RPTOR: variants seen among roughly 807,000 people sequenced by gnomAD.
The protein encoded by RPTOR is regulatory-associated protein of mTOR.
RPTOR carries 21 observed loss-of-function variants against 169.9 expected under a neutral mutation model. The observed-to-expected ratio is 0.12, with a 90% CI of 0.09 to 0.18. RPTOR has a LOEUF of 0.18. Among genes scored for constraint, RPTOR ranks in the 10% least tolerant of loss-of-function variants. RPTOR has a pLI of 1.00. For synonymous variants in RPTOR, 732 were observed against 753.2 expected (o/e 0.97, Z 0.46); for missense variants, 1,133 against 1,855.9 (o/e 0.61, Z 7.16).
At chr17:80,615,618 C>A (rs1448263052) in intron 1 of RPTOR, among the ~76,000 whole-genome samples, 1 of 152,100 alleles carries the variant, frequency 6.6e-6, no homozygotes, top group African/African-American at 2.4e-5. Flanking sequence ...ATCTCTGATA[C>A]CCACTTAGCA....
intron 13 of RPTOR, among the ~76,000 whole-genome samples, chr17:80,870,065 A>C (rs2068035857): frequency 6.6e-6 from 1 of 152,200 alleles, no homozygotes; most frequent in Non-Finnish European, 1.5e-5. Flanking sequence ...GGGAGAGTTA[A>C]TTAAGGACTC....
Position 80,845,456 on chromosome 17 carries a change from G to A in RPTOR, c.1213-1017G>A, listed in dbSNP as rs1415127559. On this transcript the variant is annotated intron_variant, in intron 10 of 33. Transcript: ENST00000306801. This position sits in a 1 kb window ranked among gnomAD's most constrained non-coding sequence, Gnocchi z 5.4. Reference sequence around the variant, plus strand: ...GGAAACAAGAAGCAGTCGCATGACCGCCTCTGCCGGGTCCTCCAGCCCTCC... The same window carrying A: ...GGAAACAAGAAGCAGTCGCATGACCACCTCTGCCGGGTCCTCCAGCCCTCC... Among the ~76,000 whole-genome samples the A allele has an allele frequency of 3.9e-5, 6 of 151,944 alleles. No homozygotes were observed. Among genetic ancestry groups the A allele is most frequent in the Non-Finnish European group, 8.8e-5 (6 of 67,978 alleles).
intron 4 of RPTOR, among the ~76,000 whole-genome samples, chr17:80,711,742 G>GTTTTTTTTTTTTTTTTTTTTTTT (rs1298623680): frequency 1.9e-5 from 1 of 51,402 alleles, no homozygotes; most frequent in African/African-American, 1.9e-4. Context: ...TTATACATCA[G>GTTTTTTTTTTTTTTTTTTTTTTT]TCTTTTTTTT....
chr17:80,665,201 C>T (rs1323881382), intron 3 of RPTOR, among the ~76,000 whole-genome samples: 1 of 152,032 alleles, frequency 6.6e-6, no homozygotes, highest in African/African-American at 2.4e-5. Flanking sequence ...GGTGGTTTGC[C>T]GGTTGTTACA....
chr17:80,731,975 A>G (rs2066396782), intron 5 of RPTOR, among the ~76,000 whole-genome samples: 1 of 152,214 alleles, frequency 6.6e-6, no homozygotes. Context: ...ATCCACATGC[A>G]ACAAGTTTGT....
chr17:80,741,759 T>A, intron 5 of RPTOR, among the ~76,000 whole-genome samples: 1 of 152,158 alleles, frequency 6.6e-6, no homozygotes, highest in Non-Finnish European at 1.5e-5. Flanking sequence ...AGACAATGGC[T>A]GAAGCCACGG....
At chr17:80,546,984 G>A (rs1219124803) in intron 1 of RPTOR, among the ~76,000 whole-genome samples, 2 of 152,194 alleles carry the variant, frequency 1.3e-5, no homozygotes, top group Admixed American at 6.5e-5. Flanking sequence ...CTGGAGAATC[G>A]CTTGAACCTG....
At chr17:80,601,161 C>G (rs1266563171) in intron 1 of RPTOR, among the ~76,000 whole-genome samples, 3 of 152,190 alleles carry the variant, frequency 2.0e-5, no homozygotes, top group Admixed American at 6.5e-5. Context: ...CAGCGACCAC[C>G]ACTGTCAGCC....
intron 1 of RPTOR, among the ~76,000 whole-genome samples, chr17:80,616,455 C>T (rs1320322168): frequency 1.3e-5 from 2 of 152,078 alleles, no homozygotes; most frequent in South Asian, 2.1e-4. Flanking sequence ...CACACCACCA[C>T]GCCTGGCTAA....
intron 3 of RPTOR, among the ~76,000 whole-genome samples, chr17:80,696,437 C>T (rs945464849): frequency 6.6e-6 from 1 of 152,152 alleles, no homozygotes; most frequent in African/African-American, 2.4e-5. Context: ...GATAGTGGAG[C>T]TCGGCTTTCG....
intron 1 of RPTOR, among the ~76,000 whole-genome samples, chr17:80,621,559 A>C (rs1366693302): frequency 6.6e-6 from 1 of 152,108 alleles, no homozygotes; most frequent in Non-Finnish European, 1.5e-5. Flanking sequence ...AGCTTGCCCT[A>C]GTCCTGGCTG....
At chr17:80,583,793 G>T (rs1192782771) in intron 1 of RPTOR, among the ~76,000 whole-genome samples, 2 of 152,240 alleles carry the variant, frequency 1.3e-5, no homozygotes, top group Non-Finnish European at 2.9e-5. Flanking sequence ...TGATATGCAG[G>T]TGCAGCTGCC....
At chr17:80,928,219 G>A (rs1192226645) in intron 24 of RPTOR, among the ~76,000 whole-genome samples, 1 of 152,042 alleles carries the variant, frequency 6.6e-6, no homozygotes, top group Non-Finnish European at 1.5e-5. Context: ...CTTCAGAAGA[G>A]GAAGCAGGAC....
In RPTOR at chr17:80,960,339, C is replaced by A. The variant is rs374447378; in HGVS notation, c.3605+134C>A. 2 of 1,242,558 alleles carry A rather than the reference C, an allele frequency of 1.6e-6. No homozygotes were observed. Among genetic ancestry groups the A allele is most frequent in the Non-Finnish European group, 1.1e-6 (1 of 892,040 alleles). The allele number at this position is 1,242,558 out of a possible 1,614,324, so 77.0% of individuals were successfully genotyped here. ...AAGCTTCCCCAGGAGCCTGCAGTGG[C>A]GTATTTAGGCCAGTCCTGGGCTCCC... On this transcript the variant is annotated intron_variant, in intron 30 of 33. Transcript: ENST00000306801. The surrounding 1 kb of genome is among the most constrained non-coding windows in gnomAD (Gnocchi z 4.8).
chr17:80,790,534 C>G (rs1700013183), intron 6 of RPTOR, among the ~76,000 whole-genome samples: 1 of 152,118 alleles, frequency 6.6e-6, no homozygotes, highest in South Asian at 2.1e-4. Context: ...TATGGGTACC[C>G]TCCTGGGTCC....
At position 80,964,812 on chromosome 17, in the gene RPTOR, C is replaced by G. The variant is rs2069404479; in HGVS notation, c.*482C>G. 1 of 241,192 alleles carries G rather than the reference C, an allele frequency of 4.1e-6. No individual in the cohort carries two copies. The highest frequency in any genetic ancestry group is 2.2e-5 in the African/African-American group (1 of 45,560). 14.9% of individuals were successfully genotyped at this position (241,192 alleles called of 1,614,324 possible). ...GCTGCCCCAGCCAGGCCCACCACCTCTCACAGTCAGTGCACGCAAGCAGGG... is the reference window on the plus strand; with the variant it reads ...GCTGCCCCAGCCAGGCCCACCACCTGTCACAGTCAGTGCACGCAAGCAGGG... On this transcript the variant is annotated 3_prime_UTR_variant, in exon 34 of 34. Transcript: ENST00000306801.
chr17:80,784,281 C>G (rs1018038317), intron 6 of RPTOR, among the ~76,000 whole-genome samples: 2 of 151,744 alleles, frequency 1.3e-5, no homozygotes, highest in African/African-American at 2.4e-5. Context: ...TTACAAATAT[C>G]GCATGATTTG....
intron 1 of RPTOR, chr17:80,602,703 T>C: frequency 1.3e-6 from 1 of 752,704 alleles, no homozygotes. Context: ...CCTTATTCCT[T>C]TGGCCCAGAC....
intron 24 of RPTOR, among the ~76,000 whole-genome samples, chr17:80,929,844 A>G (rs1177976473): frequency 6.6e-6 from 1 of 152,200 alleles, no homozygotes; most frequent in East Asian, 1.9e-4. Context: ...GCATCCTGTC[A>G]TAGATTCTCC....
Sources: gnomAD v4.1 joint callset for allele counts (sites outside exome capture counted in the v4.1 genomes callset) on GRCh38, gnomAD v4.1.1 for gene constraint, Gnocchi (gnomAD v3.1) non-coding constraint, MANE v1.5 for transcripts, NCBI Gene and HGNC (gene_info 2026-07-23, HGNC 2026-07-21) for gene names.